The following PGLYRP2 variants were observed in gnomAD, a reference collection of about 807,000 sequenced individuals.
PGLYRP2 encodes peptidoglycan recognition protein 2.
Under a neutral mutation model 46.2 loss-of-function variants are expected in PGLYRP2, and 38 were observed. The observed-to-expected ratio is 0.82, with a 90% confidence interval of 0.64 to 1.08. PGLYRP2 has a LOEUF of 1.08. Ranked by LOEUF, PGLYRP2 falls within the 50% of genes least tolerant of loss-of-function variation. The pLI is 0.00. For missense variants in PGLYRP2, 713 were observed against 755.9 expected, an observed-to-expected ratio of 0.94 and a Z score of 0.67; for synonymous variants, 289 against 329.4, an observed-to-expected ratio of 0.88 and a Z score of 1.33.
rs551089105 is a variant in PGLYRP2, at chr19:15,473,763, A to G, written c.1133-1663T>C. Among the ~76,000 whole-genome samples the G allele has an allele frequency of 2.0e-5, 3 of 151,862 alleles. No individual in the cohort carries two copies. The South Asian group carries it at 6.2e-4, about 32-fold the overall frequency. On this transcript the variant is annotated intron_variant, in intron 2 of 4. Transcript: ENST00000340880. ...GGGAGAAAATATTTGCAAACTATGC[A>G]CTGGTATGGGACTAATACCCAGAAT... is the stretch of plus-strand genomic sequence containing the variant.
In PGLYRP2 at chr19:15,469,758, A is replaced by C. The variant is rs375779333; in HGVS notation, c.1515T>G (p.Ser505Arg). The C allele has an allele frequency of 6.6e-6, 10 of 1,505,296 alleles. No homozygotes were observed. In the African/African-American group the frequency reaches 1.4e-4, roughly 21 times the overall value. 93.2% of individuals were successfully genotyped at this position (1,505,296 alleles called of 1,614,324 possible). A position where few individuals can be genotyped will look rare whatever the true frequency, so the allele number is the denominator to read the frequency against. ...ALRTVRDTLP[S>R]CAVRAGLLRP... Reference sequence around the variant, plus strand: ...GCAGGAGGCCGGCGCGCACCGCACAACTCGGGAGCGTGTCGCGCACCGTGC... The same window carrying C: ...GCAGGAGGCCGGCGCGCACCGCACACCTCGGGAGCGTGTCGCGCACCGTGC... The change falls in exon 4 of 5, where the codon AGT becomes AGG. Residue 505 changes from serine (S) to arginine (R), a missense_variant. Transcript: ENST00000340880. The surrounding 1 kb of genome is among the most constrained non-coding windows in gnomAD (Gnocchi z 4.9).
rs1457765600 is a variant in PGLYRP2 at position 15,476,441 on chromosome 19, T to G, written c.229A>C (p.Asn77His). The G allele has an allele frequency of 1.2e-6, 2 of 1,614,086 alleles. No individual in the cohort carries two copies. The highest frequency in any genetic ancestry group is 1.7e-6 in the Non-Finnish European group (2 of 1,180,004). ...YHFLLGAWSL[N>H]ATELDPCPLS... ...GGGCAGGGATCCAACTCTGTAGCATTGAGGCTCCATGCCCCCAGCAGGAAG... is the reference window on the plus strand; with the variant it reads ...GGGCAGGGATCCAACTCTGTAGCATGGAGGCTCCATGCCCCCAGCAGGAAG... The change falls in exon 2 of 5, where the codon AAT becomes CAT. Residue 77 changes from asparagine to histidine, a missense_variant. By Grantham distance (68) the Asn-to-His change is moderately conservative. Coordinates refer to ENST00000340880, the MANE Select transcript of PGLYRP2 (RefSeq NM_052890.4).
In PGLYRP2 at chr19:15,469,863, C is replaced by T; in HGVS notation, c.1410G>A (p.Thr470=). The T allele has an allele frequency of 1.3e-6, 2 of 1,503,250 alleles. No individual in the cohort carries two copies. The highest frequency in any genetic ancestry group is 1.4e-5 in the African/African-American group (1 of 69,172). 93.1% of individuals were successfully genotyped at this position (1,503,250 alleles called of 1,614,324 possible). ...GRGWHWVGAH[T]LGHNSRGFGV... is the part of the protein sequence containing the mutation. ...CGAAGCCCCGGGAGTTGTGGCCGAGCGTGTGGGCGCCCACCCAGTGCCAGC... is the reference window on the plus strand; with the variant it reads ...CGAAGCCCCGGGAGTTGTGGCCGAGTGTGTGGGCGCCCACCCAGTGCCAGC... Residue 470 remains threonine (T), a synonymous_variant, in exon 4 of 5, where the codon ACG becomes ACA. Coordinates refer to ENST00000340880, the MANE Select transcript of PGLYRP2 (RefSeq NM_052890.4). The surrounding 1 kb of genome is among the most constrained non-coding windows in gnomAD (Gnocchi z 4.9).
Position 15,472,946 on chromosome 19 carries a change from C to T in PGLYRP2, c.1133-846G>A, listed in dbSNP as rs537497259. Among the ~76,000 whole-genome samples, 5 of 152,158 alleles carry T rather than the reference C, an allele frequency of 3.3e-5. No homozygotes were observed. In the South Asian group the frequency reaches 1.0e-3, roughly 32 times the overall value. On this transcript the variant is annotated intron_variant, in intron 2 of 4. Transcript: ENST00000340880. Reference sequence around the variant, plus strand: ...AAATTATACTACAATACTATAGTAACCAAAACAGCATGGTACTGTTACAAA... The same window carrying T: ...AAATTATACTACAATACTATAGTAATCAAAACAGCATGGTACTGTTACAAA...
intron 1 of PGLYRP2, among the ~76,000 whole-genome samples, chr19:15,477,351 C>A (rs1970806380): frequency 6.9e-6 from 1 of 145,180 alleles, no homozygotes; most frequent in Non-Finnish European, 1.5e-5. Flanking sequence ...CGAGATTGCG[C>A]CACTGCACTC....
Position 15,475,549 on chromosome 19 carries a change from T to TTGG in PGLYRP2, c.1120_1121insCCA (p.Glu374delinsAlaLys), listed in dbSNP as rs1970785607. ...GGGAACTTCCTCACCCAGGAAGGCC[T>TTGG]CAGTGAATTCCTTGGTAGCATTGGC... is the stretch of plus-strand genomic sequence containing the variant. On this transcript the variant is annotated protein_altering_variant, in exon 2 of 5. Transcript: ENST00000340880. The TTGG allele has an allele frequency of 6.3e-7, 1 of 1,598,750 alleles. No homozygotes were observed. The highest frequency in any genetic ancestry group is 1.3e-5 in the African/African-American group (1 of 74,668).
At chr19:15,470,014 G>A in intron 3 of PGLYRP2, 85 bp from the exon 4 acceptor site, 2 of 1,300,936 alleles carry the variant, frequency 1.5e-6, no homozygotes. Context: ...TTCTGTTGGT[G>A]TGCCAAGGGC....
Position 15,476,222 on chromosome 19 carries a change from C to T in PGLYRP2, c.448G>A (p.Glu150Lys). 1 of 1,614,162 alleles carries T rather than the reference C, an allele frequency of 6.2e-7. No individual in the cohort carries two copies. Among genetic ancestry groups the T allele is most frequent in the South Asian group, 1.1e-5 (1 of 91,080 alleles). Reference protein sequence around the residue: ...LPLDSMAAPWETGDTFPDVVA... With the variant: ...LPLDSMAAPWKTGDTFPDVVA... ...ACATCTGGAAAGGTATCTCCAGTCT[C>T]CCAAGGGGCAGCCATGCTGTCCAAG... The change falls in exon 2 of 5, where the codon GAG becomes AAG. Residue 150 changes from glutamate (E) to lysine (K), a missense_variant. By Grantham distance (56) the Glu-to-Lys change is moderately conservative. Transcript: ENST00000340880.
Position 15,469,508 on chromosome 19 carries a change from G to A in PGLYRP2, c.1641+124C>T, listed in dbSNP as rs1970722679. On this transcript the variant is annotated intron_variant, in intron 4 of 4. Transcript: ENST00000340880. This position sits in a 1 kb window ranked among gnomAD's most constrained non-coding sequence, Gnocchi z 4.9. ...AGGTTTCCTGAATAGACGTGCCGCC[G>A]GGAAGTTGGGGGCCTGGCTGAGGCT... is the stretch of plus-strand genomic sequence containing the variant. 2 of 1,336,052 alleles carry A rather than the reference G, an allele frequency of 1.5e-6. No homozygotes were observed. The highest frequency in any genetic ancestry group is 2.0e-5 in the Admixed American group (1 of 50,748). The allele number at this position is 1,336,052 out of a possible 1,614,324, so 82.8% of individuals were successfully genotyped here.
chr19:15,476,857 T>G (rs895380770), intron 1 of PGLYRP2, among the ~76,000 whole-genome samples: 23 of 152,260 alleles, frequency 1.5e-4, no homozygotes, highest in African/African-American at 4.8e-4. Context: ...GAACCTGGCA[T>G]TCTAAGACTC....
At chr19:15,474,941 C>A (rs1327856780) in intron 2 of PGLYRP2, among the ~76,000 whole-genome samples, 1 of 149,418 alleles carries the variant, frequency 6.7e-6, no homozygotes. Flanking sequence ...GAGCTGAGAT[C>A]GTGCCACTGC....
rs531334488 is a variant in PGLYRP2, at chr19:15,473,883, T to C, written c.1132+1655A>G. On this transcript the variant is annotated intron_variant, in intron 2 of 4. Coordinates refer to ENST00000340880, the MANE Select transcript of PGLYRP2 (RefSeq NM_052890.4). ...AAAAGAAAGAAAGAAAGAAACCCAC[T>C]AAAAAGCGGGCAAAAGACATTAATA... Among the ~76,000 whole-genome samples the C allele has an allele frequency of 4.6e-5, 7 of 150,590 alleles. No individual in the cohort carries two copies. In the South Asian group the frequency reaches 1.5e-3, roughly 32 times the overall value.
rs1970729928 is a variant in PGLYRP2 at position 15,469,988 on chromosome 19, C to A, written c.1344-59G>T. The A allele has an allele frequency of 6.0e-6, 8 of 1,342,476 alleles. No homozygotes were observed. The highest frequency in any genetic ancestry group is 7.6e-6 in the Non-Finnish European group (8 of 1,048,374). The allele number at this position is 1,342,476 out of a possible 1,614,324, so 83.2% of individuals were successfully genotyped here. A position where few individuals can be genotyped will look rare whatever the true frequency, so the allele number is the denominator to read the frequency against. ...GCGTGAGGGGGACCCGGGCCCTTAT[C>A]CGCTCCCCTCCCCGATTCTGTTGGT... On this transcript the variant is annotated intron_variant, in intron 3 of 4. Transcript: ENST00000340880. The surrounding 1 kb of genome is among the most constrained non-coding windows in gnomAD (Gnocchi z 4.9).
In PGLYRP2 at chr19:15,468,676, G is replaced by A. The variant is rs768061875; in HGVS notation, c.1718C>T (p.Thr573Ile). ...TCCATGCTGTCTTTATTGGAGGTCTGTGGCTGGCAGGGTCCTTGGGGGTGG... is the reference window on the plus strand; with the variant it reads ...TCCATGCTGTCTTTATTGGAGGTCTATGGCTGGCAGGGTCCTTGGGGGTGG... ...REPPPRTLPA[T>I]DLQ Residue 573 changes from threonine to isoleucine, a missense_variant, in exon 5 of 5, where the codon ACA becomes ATA. Thr to Ile is a moderately conservative substitution (Grantham distance 89, BLOSUM62 -1). Coordinates refer to ENST00000340880, the MANE Select transcript of PGLYRP2 (RefSeq NM_052890.4). 3 of 1,612,690 alleles carry A rather than the reference G, an allele frequency of 1.9e-6. No individual in the cohort carries two copies. In the African/African-American group the frequency reaches 4.0e-5, roughly 22 times the overall value.
intron 2 of PGLYRP2, 131 bp downstream of exon 2, chr19:15,475,407 C>T: frequency 1.2e-6 from 1 of 867,582 alleles, no homozygotes; most frequent in Non-Finnish European, 1.8e-6. Flanking sequence ...TGCAGCTGTC[C>T]CACCCACCCC....
At position 15,479,488 on chromosome 19, in the gene PGLYRP2, G is replaced by A; in HGVS notation, c.-117C>T. ...AGCAGAGCCTTTGACCACTGTCAAA[G>A]TCCAGCGGCGAATGACAGACCTGCC... On this transcript the variant is annotated 5_prime_UTR_variant, in exon 1 of 5. Transcript: ENST00000340880. 9.7e-7 allele frequency: 1 copy of A among 1,034,124 alleles called. No individual in the cohort carries two copies. Among genetic ancestry groups the A allele is most frequent in the Non-Finnish European group, 1.5e-6 (1 of 680,384 alleles). 64.1% of individuals were successfully genotyped at this position (1,034,124 alleles called of 1,614,324 possible). A position where few individuals can be genotyped will look rare whatever the true frequency, so the allele number is the denominator to read the frequency against.
Position 15,470,012 on chromosome 19 carries a change from G to C in PGLYRP2, c.1344-83C>G. On this transcript the variant is annotated intron_variant, in intron 3 of 4. Coordinates refer to ENST00000340880, the MANE Select transcript of PGLYRP2 (RefSeq NM_052890.4). ...TCCGCTCCCCTCCCCGATTCTGTTG[G>C]TGTGCCAAGGGCCACCGACCCCAAG... 9 of 1,304,772 alleles carry C rather than the reference G, an allele frequency of 6.9e-6. No homozygotes were observed. The South Asian group carries it at 1.7e-4, about 24-fold the overall frequency. 80.8% of individuals were successfully genotyped at this position (1,304,772 alleles called of 1,614,324 possible).
rs1431688430 is a variant in PGLYRP2, at chr19:15,468,772, T to G, written c.1642-20A>C. 6.3e-7 allele frequency: 1 copy of G among 1,590,218 alleles called. No individual in the cohort carries two copies. Among genetic ancestry groups the G allele is most frequent in the Non-Finnish European group, 8.6e-7 (1 of 1,165,108 alleles). ...AACAGTCTGGAAAAAGACAAGGGAG[T>G]GTGAGGCTTGGGGGTGGTTGTGGTA... On this transcript the variant is annotated intron_variant, in intron 4 of 4. Coordinates refer to ENST00000340880, the MANE Select transcript of PGLYRP2 (RefSeq NM_052890.4).
In PGLYRP2 at chr19:15,479,453, C is replaced by G; in HGVS notation, c.-82G>C. 7.5e-7 allele frequency: 1 copy of G among 1,342,180 alleles called. No homozygotes were observed. Among genetic ancestry groups the G allele is most frequent in the Middle Eastern group, 1.8e-4 (1 of 5,522 alleles). 83.1% of individuals were successfully genotyped at this position (1,342,180 alleles called of 1,614,324 possible). A position where few individuals can be genotyped will look rare whatever the true frequency, so the allele number is the denominator to read the frequency against. ...CGGCAGTGCTGGAGGGAGACAGGCA[C>G]AGAGAACTGAGCAGAGCCTTTGACC... is the stretch of plus-strand genomic sequence containing the variant. On this transcript the variant is annotated 5_prime_UTR_variant, in exon 1 of 5. Coordinates refer to ENST00000340880, the MANE Select transcript of PGLYRP2 (RefSeq NM_052890.4).
Sources: allele counts gnomAD v4.1 joint callset (sites outside exome capture counted in the v4.1 genomes callset), GRCh38; gene constraint gnomAD v4.1.1; non-coding constraint Gnocchi (gnomAD v3.1); transcripts MANE v1.5; gene names NCBI Gene and HGNC (gene_info 2026-07-23, HGNC 2026-07-21).